The following FNDC3A variants were observed in gnomAD, a reference collection of about 807,000 sequenced individuals.
FNDC3A encodes fibronectin type III domain containing 3A, also known as fibronectin type-III domain-containing protein 3A.
In FNDC3A, 32 loss-of-function variants were observed where a neutral mutation model predicts 148.9. The observed-to-expected ratio is 0.21, with a 90% CI of 0.16 to 0.29. The LOEUF (loss-of-function observed/expected upper bound fraction) is 0.29, where lower values mean the gene tolerates loss of function less well. FNDC3A is among the 10% of genes least tolerant of loss of function. The probability of loss-of-function intolerance (pLI) is 1.00; values close to 1 mark genes in which losing one functional copy is unlikely to be tolerated. For missense variants in FNDC3A, 1,191 were observed against 1,452.8 expected (o/e 0.82, Z 2.93); for synonymous variants, 472 against 473.6 (o/e 1.00, Z 0.04).
chr13:49,136,583 G>C lies in FNDC3A; in HGVS notation c.742G>C (p.Val248Leu). The change falls in exon 6 of 26, where the codon GTT (valine) becomes CTT (leucine). Residue 248 changes from valine (V) to leucine (L), a missense_variant. By Grantham distance (32) the Val-to-Leu change is conservative. This residue lies in a region of FNDC3A where 426 missense variants were observed against 473.2 expected (regional missense o/e 0.90). Coordinates refer to ENST00000492622, the MANE Select transcript of FNDC3A (RefSeq NM_001079673.2). ...KSGKGKGGTQ[V>L]DTEIEEKDEE... ...TGGGAAGGGGAAAGGTGGTACACAA[G>C]TTGATACAGAAATTGAAGGTAACTG... 2 of 1,612,586 alleles carry C rather than the reference G, an allele frequency of 1.2e-6. No homozygotes were observed. The highest frequency in any genetic ancestry group is 1.7e-6 in the Non-Finnish European group (2 of 1,178,650).
intron 1 of FNDC3A, among the ~76,000 whole-genome samples, chr13:48,984,614 AG>A: frequency 6.6e-6 from 1 of 152,318 alleles, no homozygotes; most frequent in East Asian, 1.9e-4. Flanking sequence ...ATTGAAGTAA[AG>A]ATAGTTAGGT....
chr13:49,011,456 A>T (rs988235355), intron 2 of FNDC3A, among the ~76,000 whole-genome samples: 1 of 151,776 alleles, frequency 6.6e-6, no homozygotes, highest in Non-Finnish European at 1.5e-5. Context: ...CTGATCTCGA[A>T]CTCCTGACCT....
At chr13:49,096,607 G>A (rs752870556) in intron 3 of FNDC3A, among the ~76,000 whole-genome samples, 1 of 152,086 alleles carries the variant, frequency 6.6e-6, no homozygotes, top group Non-Finnish European at 1.5e-5. Context: ...CTAGAACACA[G>A]AAAACACAGT....
intron 2 of FNDC3A, among the ~76,000 whole-genome samples, chr13:49,070,900 T>G (rs1287856472): frequency 2.7e-4 from 37 of 135,432 alleles, no homozygotes; most frequent in African/African-American, 8.5e-4. Flanking sequence ...TTTTGTTTTG[T>G]TTTTTTTCTT....
intron 14 of FNDC3A, among the ~76,000 whole-genome samples, chr13:49,185,413 C>T (rs944030613): frequency 6.6e-6 from 1 of 152,184 alleles, no homozygotes; most frequent in Non-Finnish European, 1.5e-5. Context: ...ACTTCACTCA[C>T]TTTCAGGTTC....
intron 2 of FNDC3A, among the ~76,000 whole-genome samples, chr13:49,034,047 T>C (rs556531846): frequency 5.1e-4 from 78 of 152,152 alleles, no homozygotes; most frequent in African/African-American, 1.8e-3. Flanking sequence ...AACTTATATT[T>C]ATTGCTAAAA....
chr13:49,196,399 A>AG (rs1257444629), intron 19 of FNDC3A, among the ~76,000 whole-genome samples: 1 of 152,246 alleles, frequency 6.6e-6, no homozygotes, highest in African/African-American at 2.4e-5. Context: ...AGCATGGAAC[A>AG]GAAAAATCAA....
intron 3 of FNDC3A, among the ~76,000 whole-genome samples, chr13:49,097,769 T>G (rs1046358489): frequency 6.6e-6 from 1 of 152,074 alleles, no homozygotes; most frequent in African/African-American, 2.4e-5. Flanking sequence ...TACATATGAT[T>G]ACTCATAAGC....
intron 14 of FNDC3A, among the ~76,000 whole-genome samples, chr13:49,183,236 G>C (rs1429563397): frequency 1.3e-5 from 2 of 152,070 alleles, no homozygotes; most frequent in Non-Finnish European, 2.9e-5. Context: ...CTTCCCCTTT[G>C]ATTGCTGTTG....
At chr13:49,012,483 T>C (rs540437155) in intron 2 of FNDC3A, among the ~76,000 whole-genome samples, 3 of 152,194 alleles carry the variant, frequency 2.0e-5, no homozygotes, top group Non-Finnish European at 4.4e-5. Flanking sequence ...CACCTTATTC[T>C]TTGAGAAGGT....
Position 49,143,368 on chromosome 13 carries a change from AT to A in FNDC3A, c.820-2409del, listed in dbSNP as rs1194630676. ...AGTAAGACCCAGTCTCAATAAAAAA[AT>A]AATAATAATATTTTTTAAGTTGAAA... On this transcript the variant is annotated intron_variant, in intron 7 of 25. Coordinates refer to ENST00000492622, the MANE Select transcript of FNDC3A (RefSeq NM_001079673.2). Among the ~76,000 whole-genome samples, 18 of 151,126 alleles carry A rather than the reference AT, an allele frequency of 1.2e-4. No homozygotes were observed. The East Asian group carries it at 3.3e-3, about 28-fold the overall frequency.
At chr13:49,015,905 TTATTGATTTGCGTA>T in intron 2 of FNDC3A, among the ~76,000 whole-genome samples, 1 of 151,268 alleles carries the variant, frequency 6.6e-6, no homozygotes, top group South Asian at 2.1e-4. Context: ...TGGATTACAT[TTATTGATTTGCGTA>T]TATTGAACCA....
chr13:49,063,316 G>A (rs927723344), intron 2 of FNDC3A, among the ~76,000 whole-genome samples: 21 of 151,948 alleles, frequency 1.4e-4, no homozygotes, highest in African/African-American at 4.8e-4. Context: ...TAAAAGGAAA[G>A]AAACTCTAAA....
chr13:49,038,269 G>A (rs879855923), intron 2 of FNDC3A, among the ~76,000 whole-genome samples: 1 of 152,158 alleles, frequency 6.6e-6, no homozygotes, highest in Admixed American at 6.5e-5. Flanking sequence ...AGGAATGCCT[G>A]TTCTCACTTA....
intron 4 of FNDC3A, among the ~76,000 whole-genome samples, chr13:49,115,480 T>C (rs1880889455): frequency 6.6e-6 from 1 of 152,208 alleles, no homozygotes; most frequent in African/African-American, 2.4e-5. Context: ...GCCAGAATAT[T>C]GGTGGTGGGA....
At chr13:48,996,313 A>G (rs1441050646) in intron 1 of FNDC3A, among the ~76,000 whole-genome samples, 1 of 152,208 alleles carries the variant, frequency 6.6e-6, no homozygotes, top group African/African-American at 2.4e-5. Flanking sequence ...CCTAAATTCT[A>G]GAGTTAAATG....
At chr13:49,167,566 C>T (rs1179668820) in intron 9 of FNDC3A, among the ~76,000 whole-genome samples, 2 of 151,950 alleles carry the variant, frequency 1.3e-5, no homozygotes, top group African/African-American at 4.8e-5. Context: ...AGTAGCCAAG[C>T]ATGGTGGTGC....
chr13:49,029,970 G>C, intron 2 of FNDC3A, among the ~76,000 whole-genome samples: 1 of 152,106 alleles, frequency 6.6e-6, no homozygotes, highest in East Asian at 1.9e-4. Flanking sequence ...GTACCACAAA[G>C]AAAAACTGTC....
rs374043677 is a variant in FNDC3A at position 49,191,115 on chromosome 13, G to A, written c.2045G>A (p.Arg682Gln). The A allele has an allele frequency of 4.3e-6, 7 of 1,611,312 alleles. No homozygotes were observed. Among genetic ancestry groups the A allele is most frequent in the African/African-American group, 4.0e-5 (3 of 74,772 alleles). The part of the protein sequence containing the change: ...GRPKAKEIQL[R>Q]WGPPLVDGGS... ...CCCAAAGCAAAAGAAATACAGTTAC[G>A]ATGGGGTAATTTCCATTTTGGTAAT... The change falls in exon 18 of 26, where the codon CGA becomes CAA. Residue 682 changes from arginine (R) to glutamine (Q), a missense_variant. Arg to Gln is a conservative substitution (Grantham distance 43, BLOSUM62 1). This residue lies in a region of FNDC3A where 751 missense variants were observed against 944.0 expected (regional missense o/e 0.80). Transcript: ENST00000492622.
Sources: allele counts gnomAD v4.1 joint callset (sites outside exome capture counted in the v4.1 genomes callset), GRCh38; gene constraint gnomAD v4.1.1; regional missense constraint gnomAD v4.1.1; transcripts MANE v1.5; gene names NCBI Gene and HGNC (gene_info 2026-07-23, HGNC 2026-07-21).